Variants in ELAVL2 observed in about 807,000 individuals in gnomAD.
ELAVL2 encodes the protein ELAV-like protein 2.
ELAVL2 carries 4 observed loss-of-function variants against 34.6 expected under a neutral mutation model. That is an observed-to-expected ratio of 0.12 (90% CI 0.06 to 0.26). The LOEUF (loss-of-function observed/expected upper bound fraction) is 0.26. ELAVL2 is among the 10% of genes least tolerant of loss of function. The probability of loss-of-function intolerance (pLI) is 1.00; values close to 1 mark genes in which losing one functional copy is unlikely to be tolerated. For missense variants in ELAVL2, 432 were observed against 442.8 expected (o/e 0.98, Z 0.22); for synonymous variants, 193 against 154.8 (o/e 1.25, Z -1.83).
At chr9:23,817,431 C>A (rs902383672) in intron 1 of ELAVL2, among the ~76,000 whole-genome samples, 3 of 152,126 alleles carry the variant, frequency 2.0e-5, no homozygotes, top group Admixed American at 2.0e-4. Context: ...CAGCAATATT[C>A]AAAAAGGTAC....
chr9:23,752,905 T>A (rs552935273), intron 2 of ELAVL2, among the ~76,000 whole-genome samples: 7 of 152,298 alleles, frequency 4.6e-5, no homozygotes, highest in African/African-American at 1.7e-4. Flanking sequence ...CAGAAATTAC[T>A]GAGTGGAGTC....
At chr9:23,708,200 TGATTA>T (rs1287256496) in intron 3 of ELAVL2, among the ~76,000 whole-genome samples, 3 of 151,800 alleles carry the variant, frequency 2.0e-5, no homozygotes, top group East Asian at 3.9e-4. Flanking sequence ...AGGACAGGAG[TGATTA>T]GATTATATAT....
intron 2 of ELAVL2, among the ~76,000 whole-genome samples, chr9:23,741,762 C>A (rs942222080): frequency 2.9e-5 from 4 of 138,646 alleles, no homozygotes; most frequent in Non-Finnish European, 6.1e-5. Context: ...ACCACTTCTG[C>A]ACGTCTCCCA....
intron 1 of ELAVL2, among the ~76,000 whole-genome samples, chr9:23,769,913 G>T (rs933289897): frequency 6.6e-6 from 1 of 152,170 alleles, no homozygotes; most frequent in South Asian, 2.1e-4. Context: ...GGTTAGAGAG[G>T]TAAGATAATG....
chr9:23,694,256 A>G (rs981016926), intron 5 of ELAVL2, among the ~76,000 whole-genome samples: 13 of 151,180 alleles, frequency 8.6e-5, no homozygotes, highest in Middle Eastern at 3.2e-3. Flanking sequence ...AGCCAATCTG[A>G]GCCTCACTTA....
At chr9:23,725,053 C>CAT (rs1174640604) in intron 3 of ELAVL2, among the ~76,000 whole-genome samples, 1 of 152,056 alleles carries the variant, frequency 6.6e-6, no homozygotes, top group Non-Finnish European at 1.5e-5. Context: ...CCCTTTGTAC[C>CAT]ATCACAGGAA....
chr9:23,754,807 G>C (rs951503157), intron 2 of ELAVL2, among the ~76,000 whole-genome samples: 5 of 152,136 alleles, frequency 3.3e-5, no homozygotes, highest in Admixed American at 1.3e-4. Context: ...GAAGTCAACA[G>C]ATGCAAGATG....
chr9:23,836,537 C>T, the ELAVL2 span, among the ~76,000 whole-genome samples: 1 of 152,054 alleles, frequency 6.6e-6, no homozygotes, highest in African/African-American at 2.4e-5. Flanking sequence ...CAAAAGGATA[C>T]ATGAAAGTTT....
intron 1 of ELAVL2, among the ~76,000 whole-genome samples, chr9:23,802,090 G>A (rs1458524553): frequency 6.6e-6 from 1 of 152,026 alleles, no homozygotes; most frequent in African/African-American, 2.4e-5. Context: ...ACACATCCTG[G>A]GTACCATTTA....
intron 5 of ELAVL2, among the ~76,000 whole-genome samples, chr9:23,696,974 A>G (rs1444088034): frequency 6.6e-6 from 1 of 152,054 alleles, no homozygotes; most frequent in African/African-American, 2.4e-5. Context: ...ACTTATATTT[A>G]ATAGATGCAC....
At chr9:23,786,847 G>C (rs947768363) in intron 1 of ELAVL2, among the ~76,000 whole-genome samples, 4 of 149,806 alleles carry the variant, frequency 2.7e-5, no homozygotes, top group African/African-American at 4.9e-5. Flanking sequence ...TAAGCCACTG[G>C]AATTTTAAAG....
At chr9:23,820,033 A>C (rs927222540) in intron 1 of ELAVL2, among the ~76,000 whole-genome samples, 14 of 151,790 alleles carry the variant, frequency 9.2e-5, no homozygotes, top group Non-Finnish European at 4.4e-5. Flanking sequence ...TATATACCCA[A>C]AGGTTACTAA....
chr9:23,804,481 G>A (rs1484657244), intron 1 of ELAVL2, among the ~76,000 whole-genome samples: 1 of 152,066 alleles, frequency 6.6e-6, no homozygotes, highest in African/African-American at 2.4e-5. Context: ...TTTATTTACA[G>A]ATACTATATA....
At chr9:23,770,679 A>C (rs996848794) in intron 1 of ELAVL2, among the ~76,000 whole-genome samples, 41 of 152,228 alleles carry the variant, frequency 2.7e-4, no homozygotes, top group Non-Finnish European at 8.8e-5. Flanking sequence ...ACAATCTCTC[A>C]TAAAGACTCT....
the ELAVL2 span, among the ~76,000 whole-genome samples, chr9:23,835,956 T>A: frequency 6.6e-6 from 1 of 152,306 alleles, no homozygotes; most frequent in South Asian, 2.1e-4. Flanking sequence ...TCAAGCCCAG[T>A]CATCTGACTG....
In ELAVL2 at chr9:23,794,425, A is replaced by T. The variant is rs565060191; in HGVS notation, c.-16+31381T>A. Among the ~76,000 whole-genome samples, 5 of 152,308 alleles carry T rather than the reference A, an allele frequency of 3.3e-5. No homozygotes were observed. The East Asian group carries it at 7.7e-4, about 24-fold the overall frequency. ...ACGTACAGCAGGCCTCTTGCAGGAG[A>T]AAAGGCAAGCTGTCCTGCCAGAGTT... On this transcript the variant is annotated intron_variant, in intron 1 of 6. Coordinates refer to ENST00000397312, the MANE Select transcript of ELAVL2 (RefSeq NM_004432.5).
At chr9:23,736,243 T>G (rs762019476) in intron 2 of ELAVL2, among the ~76,000 whole-genome samples, 11 of 152,180 alleles carry the variant, frequency 7.2e-5, no homozygotes, top group Non-Finnish European at 1.0e-4. Flanking sequence ...AACAAGACCC[T>G]CAACACAAAA....
chr9:23,821,814 C>T (rs987046585), intron 1 of ELAVL2: 2 of 151,522 alleles, frequency 1.3e-5, no homozygotes, highest in African/African-American at 2.4e-5. Context: ...GCTACTGCCT[C>T]AGTGACGCCC....
intron 1 of ELAVL2, among the ~76,000 whole-genome samples, chr9:23,790,863 C>T (rs965309055): frequency 5.9e-5 from 9 of 152,270 alleles, no homozygotes; most frequent in African/African-American, 2.2e-4. Context: ...GTATTTCCAA[C>T]ACAAACATCG....
Sources: gnomAD v4.1 joint callset for allele counts (sites outside exome capture counted in the v4.1 genomes callset) on GRCh38, gnomAD v4.1.1 for gene constraint, MANE v1.5 for transcripts, NCBI Gene and HGNC (gene_info 2026-07-23, HGNC 2026-07-21) for gene names.